CNTNAP4: variants seen among roughly 807,000 people sequenced by gnomAD.
CNTNAP4 encodes contactin-associated protein-like 4.
Under a neutral mutation model 148.4 loss-of-function variants are expected in CNTNAP4, and 98 were observed. The observed-to-expected ratio is 0.66, with a 90% CI of 0.56 to 0.78. The LOEUF (loss-of-function observed/expected upper bound fraction) is 0.78. Among genes scored for constraint, CNTNAP4 ranks in the 30% least tolerant of loss-of-function variants. The pLI, the probability that CNTNAP4 is intolerant of heterozygous loss-of-function variation, is 0.00. For missense variants in CNTNAP4, 1,935 were observed against 1,565.6 expected, an observed-to-expected ratio of 1.24 and a Z score of -3.98; for synonymous variants, 730 against 565.1, an observed-to-expected ratio of 1.29 and a Z score of -4.14.
chr16:76,418,242 TACA>T (rs2079054832), intron 3 of CNTNAP4, among the ~76,000 whole-genome samples: 1 of 151,660 alleles, frequency 6.6e-6, no homozygotes, highest in East Asian at 1.9e-4. Context: ...ACGCATATGT[TACA>T]ACGTTTATAA....
intron 2 of CNTNAP4, among the ~76,000 whole-genome samples, chr16:76,353,283 A>G (rs2012094871): frequency 6.6e-6 from 1 of 152,236 alleles, no homozygotes; most frequent in Non-Finnish European, 1.5e-5. Context: ...AACAGGGATT[A>G]TACCTGAATG....
chr16:76,469,426 A>G (rs2081290016), intron 10 of CNTNAP4: 1 of 152,202 alleles, frequency 6.6e-6, no homozygotes, highest in African/African-American at 2.4e-5. Context: ...TCTCAATAGG[A>G]GACTTGCTTA....
At chr16:76,381,143 T>C (rs772378593) in intron 3 of CNTNAP4, among the ~76,000 whole-genome samples, 3 of 152,360 alleles carry the variant, frequency 2.0e-5, no homozygotes, top group Non-Finnish European at 4.4e-5. Flanking sequence ...TCTAGATAGA[T>C]TGAATCAGAT....
intron 1 of CNTNAP4, among the ~76,000 whole-genome samples, chr16:76,292,760 A>G (rs576224629): frequency 6.6e-6 from 1 of 152,286 alleles, no homozygotes; most frequent in South Asian, 2.1e-4. Context: ...AAAACAGACT[A>G]GTGTTTCTCA....
chr16:76,504,225 G>T (rs1408946794), intron 15 of CNTNAP4, among the ~76,000 whole-genome samples: 1 of 152,064 alleles, frequency 6.6e-6, no homozygotes, highest in African/African-American at 2.4e-5. Flanking sequence ...ATTCAAGGAA[G>T]TGTGATATTG....
intron 3 of CNTNAP4, among the ~76,000 whole-genome samples, chr16:76,393,596 G>C: frequency 6.6e-6 from 1 of 152,022 alleles, no homozygotes; most frequent in East Asian, 1.9e-4. Flanking sequence ...CCAGCACAGA[G>C]AGTGCCCTAA....
chr16:76,286,174 AGTGT>A (rs57003243), intron 1 of CNTNAP4, among the ~76,000 whole-genome samples: 7,772 of 134,836 alleles, frequency 0.058, 237 homozygotes, highest in African/African-American at 0.085. Context: ...TAGAATTATC[AGTGT>A]GTGTGTGTGT....
chr16:76,375,565 C>G (rs984917389), intron 3 of CNTNAP4, among the ~76,000 whole-genome samples: 1 of 152,180 alleles, frequency 6.6e-6, no homozygotes, highest in African/African-American at 2.4e-5. Flanking sequence ...AAGGTTGGCT[C>G]TTACCTTTGC....
intron 17 of CNTNAP4, among the ~76,000 whole-genome samples, chr16:76,525,406 ATCTG>A (rs2083674190): frequency 1.3e-5 from 2 of 150,858 alleles, no homozygotes; most frequent in African/African-American, 2.4e-5. Flanking sequence ...AATTAAAAAA[ATCTG>A]TCTATCCATC....
At chr16:76,376,108 T>A (rs2015385946) in intron 3 of CNTNAP4, among the ~76,000 whole-genome samples, 2 of 140,826 alleles carry the variant, frequency 1.4e-5, no homozygotes, top group Admixed American at 7.1e-5. Flanking sequence ...AGAGAAAGAG[T>A]GAGGAAGAGA....
At chr16:76,296,851 A>G (rs931646759) in intron 1 of CNTNAP4, among the ~76,000 whole-genome samples, 1 of 152,166 alleles carries the variant, frequency 6.6e-6, no homozygotes, top group Non-Finnish European at 1.5e-5. Flanking sequence ...GCCCCTCCAG[A>G]GAGCTTTAAT....
chr16:76,346,787 A>C (rs887551287), intron 2 of CNTNAP4, among the ~76,000 whole-genome samples: 1 of 152,190 alleles, frequency 6.6e-6, no homozygotes, highest in Non-Finnish European at 1.5e-5. Flanking sequence ...GCTGTCATAA[A>C]ATTTGCAAAT....
rs143152778 is a variant in CNTNAP4, at chr16:76,435,114, G to T, written c.538+7515G>T. On this transcript the variant is annotated intron_variant, in intron 4 of 23. Coordinates refer to ENST00000611870, the MANE Select transcript of CNTNAP4 (RefSeq NM_033401.5). ...CATACATTGTCAGTAGGGTAGTAGG[G>T]TCCTTCCTCAAAGGGACCTGGCCTC... Among the ~76,000 whole-genome samples, 94 of 152,236 alleles carry T rather than the reference G, an allele frequency of 6.2e-4. 3 individuals carry two copies. The East Asian group carries it at 0.017, about 27-fold the overall frequency.
intron 3 of CNTNAP4, among the ~76,000 whole-genome samples, chr16:76,396,723 C>T (rs2078218213): frequency 6.6e-6 from 1 of 152,192 alleles, no homozygotes; most frequent in Non-Finnish European, 1.5e-5. Context: ...CTCATGCCTA[C>T]TGTGTATCAG....
chr16:76,322,180 C>T (rs915086243), intron 2 of CNTNAP4, among the ~76,000 whole-genome samples: 1 of 152,232 alleles, frequency 6.6e-6, no homozygotes, highest in African/African-American at 2.4e-5. Flanking sequence ...CAAGAGTCCC[C>T]TGCCTTCCTG....
In CNTNAP4 at chr16:76,560,254, T is replaced by C. The variant is rs1301237163; in HGVS notation, c.*1571T>C. On this transcript the variant is annotated 3_prime_UTR_variant, in exon 24 of 24. Coordinates refer to ENST00000611870, the MANE Select transcript of CNTNAP4 (RefSeq NM_033401.5). ...GGGAAATATGTAAATTTAGCATTAC[T>C]ATCATCTTATTTTCTATATTTTCCT... is the stretch of plus-strand genomic sequence containing the variant. Among the ~76,000 whole-genome samples the C allele has an allele frequency of 6.6e-6, 1 of 152,178 alleles. No homozygotes were observed. The highest frequency in any genetic ancestry group is 2.4e-5 in the African/African-American group (1 of 41,460).
In CNTNAP4 at chr16:76,348,596, G is replaced by T. The variant is rs1357218112; in HGVS notation, c.197-6722G>T. Among the ~76,000 whole-genome samples, 11 of 152,294 alleles carry T rather than the reference G, an allele frequency of 7.2e-5. No homozygotes were observed. The East Asian group carries it at 1.9e-3, about 27-fold the overall frequency. On this transcript the variant is annotated intron_variant, in intron 2 of 23. Coordinates refer to ENST00000611870, the MANE Select transcript of CNTNAP4 (RefSeq NM_033401.5). The stretch of plus-strand genomic sequence containing the variant: ...ATTAAGAGAAGGTGCTTTTGTGGAA[G>T]CTAAGTGAGCAAAGTCTATTTGGGC...
chr16:76,376,545 G>A (rs1323681269), intron 3 of CNTNAP4, among the ~76,000 whole-genome samples: 4 of 152,222 alleles, frequency 2.6e-5, no homozygotes, highest in African/African-American at 9.6e-5. Context: ...AGAGCAAAGA[G>A]GGAGGTGTGA....
chr16:76,553,714 A>G lies in CNTNAP4; in HGVS notation c.3662-122A>G, dbSNP rs925123268. ...GCCATTGACATTGCTTAAATTGAAA[A>G]TAACAGAGATCCCACATTCGCCTCC... On this transcript the variant is annotated intron_variant, in intron 22 of 23. Transcript: ENST00000611870. 4.4e-6 allele frequency: 3 copies of G among 678,700 alleles called. No individual in the cohort carries two copies. The Admixed American group carries it at 8.4e-5, about 19-fold the overall frequency. 42.0% of individuals were successfully genotyped at this position (678,700 alleles called of 1,614,324 possible). A position where few individuals can be genotyped will look rare whatever the true frequency, so the allele number is the denominator to read the frequency against.
Sources: allele counts gnomAD v4.1 joint callset (sites outside exome capture counted in the v4.1 genomes callset), GRCh38; gene constraint gnomAD v4.1.1; transcripts MANE v1.5; gene names NCBI Gene and HGNC (gene_info 2026-07-23, HGNC 2026-07-21).